Variants in SNX25 observed in about 807,000 individuals in gnomAD.
SNX25 encodes the protein sorting nexin-25.
A neutral mutation model predicts 113.7 loss-of-function variants in SNX25; 62 were observed. The observed-to-expected ratio is 0.55, with a 90% CI of 0.44 to 0.67. The LOEUF (loss-of-function observed/expected upper bound fraction) is 0.67. Among genes scored for constraint, SNX25 ranks in the 30% least tolerant of loss-of-function variants. The probability of loss-of-function intolerance (pLI) is 0.00; values close to 1 mark genes in which losing one functional copy is unlikely to be tolerated. For missense variants in SNX25, 1,014 were observed against 1,161.0 expected (o/e 0.87, Z 1.84); for synonymous variants, 421 against 436.2 (o/e 0.97, Z 0.43).
At chr4:185,310,867 C>CTTTATAAATGTTT (rs773170380) in intron 7 of SNX25, 51 bp downstream of exon 7, 4 of 1,501,352 alleles carry the variant, frequency 2.7e-6, no homozygotes, top group Non-Finnish European at 3.6e-6. Context: ...ATTATAAATG[C>CTTTATAAATGTTT]TGATAGAACT....
intron 5 of SNX25, among the ~76,000 whole-genome samples, chr4:185,284,442 G>T (rs923768507): frequency 7.9e-5 from 12 of 152,184 alleles, no homozygotes; most frequent in African/African-American, 2.9e-4. Flanking sequence ...AGACTTGAGG[G>T]AAGAAGTAAT....
intron 9 of SNX25, among the ~76,000 whole-genome samples, chr4:185,324,790 C>T (rs986144047): frequency 1.3e-5 from 2 of 152,034 alleles, no homozygotes; most frequent in African/African-American, 2.4e-5. Context: ...CTCTGTCAAT[C>T]CAGACCCTTA....
At chr4:185,287,451 G>T (rs1168879069) in intron 5 of SNX25, among the ~76,000 whole-genome samples, 1 of 152,222 alleles carries the variant, frequency 6.6e-6, no homozygotes, top group African/African-American at 2.4e-5. Context: ...CTGCAGGGGA[G>T]AGGGCAGTTC....
rs980006904 is a variant in SNX25, at chr4:185,238,188, G to T, written c.430-9106G>T. Among the ~76,000 whole-genome samples, 3 of 150,950 alleles carry T rather than the reference G, an allele frequency of 2.0e-5. No individual in the cohort carries two copies. In the East Asian group the frequency reaches 5.9e-4, roughly 30 times the overall value. On this transcript the variant is annotated intron_variant, in intron 1 of 18. Transcript: ENST00000652585. ...TTTAGATCCCTGATATTATTTATTT[G>T]ATCCTCCTGAGGCATATTAGCCCAC... is the stretch of plus-strand genomic sequence containing the variant.
chr4:185,231,102 GTTT>G (rs33972141), intron 1 of SNX25, among the ~76,000 whole-genome samples: 20 of 140,514 alleles, frequency 1.4e-4, no homozygotes, highest in Admixed American at 3.5e-4. Flanking sequence ...CCTTTTTTTT[GTTT>G]TTTTTTTTTT....
chr4:185,360,988 T>C (rs1429461625), intron 16 of SNX25, among the ~76,000 whole-genome samples: 1 of 150,824 alleles, frequency 6.6e-6, no homozygotes, highest in Non-Finnish European at 1.5e-5. Flanking sequence ...TGGGGTTGTG[T>C]AGAAGACCTG....
chr4:185,242,075 A>G (rs866511263), intron 1 of SNX25, among the ~76,000 whole-genome samples: 6 of 126,368 alleles, frequency 4.7e-5, no homozygotes, highest in Non-Finnish European at 3.7e-5. Flanking sequence ...ACCTGAAAGA[A>G]ATAAGAGTAT....
At chr4:185,227,921 G>A (rs527887464) in intron 1 of SNX25, among the ~76,000 whole-genome samples, 1 of 152,274 alleles carries the variant, frequency 6.6e-6, no homozygotes, top group East Asian at 1.9e-4. Context: ...GCAGGCAAGG[G>A]AGGAGCAGCC....
intron 16 of SNX25, among the ~76,000 whole-genome samples, chr4:185,360,729 C>T (rs890028872): frequency 3.3e-5 from 5 of 151,786 alleles, no homozygotes; most frequent in African/African-American, 4.8e-5. Flanking sequence ...TGGGCCAATC[C>T]TGACACAGTG....
intron 14 of SNX25, 30 bp downstream of exon 14, chr4:185,351,639 G>A (rs183984299): frequency 2.1e-5 from 33 of 1,607,536 alleles, no homozygotes; most frequent in African/African-American, 9.3e-5. Flanking sequence ...AACCACTTTT[G>A]TAGTGTATTT....
At chr4:185,221,387 C>T (rs1450406559) in intron 1 of SNX25, among the ~76,000 whole-genome samples, 1 of 152,042 alleles carries the variant, frequency 6.6e-6, no homozygotes, top group African/African-American at 2.4e-5. Context: ...GTTGCCCACG[C>T]AGGTCTCAAA....
intron 1 of SNX25, among the ~76,000 whole-genome samples, chr4:185,224,458 GATATATAA>G (rs1443718789): frequency 3.6e-4 from 8 of 22,280 alleles, no homozygotes; most frequent in East Asian, 2.0e-3. Flanking sequence ...TATATATATA[GATATATAA>G]ATATATAAAT....
In SNX25 at chr4:185,332,777, A is replaced by G. The variant is rs377123052; in HGVS notation, c.1914+18A>G. Reference sequence around the variant, plus strand: ...ACAAGAAGGTAACTCTTTGCTTTCAAGGTTGTCTTTGAAAGTTAACATTTG... The same window carrying G: ...ACAAGAAGGTAACTCTTTGCTTTCAGGGTTGTCTTTGAAAGTTAACATTTG... On this transcript the variant is annotated intron_variant, in intron 10 of 18. Coordinates refer to ENST00000652585, the MANE Select transcript of SNX25 (RefSeq NM_001378034.2). 37 of 1,607,918 alleles carry G rather than the reference A, an allele frequency of 2.3e-5. No individual in the cohort carries two copies. The highest frequency in any genetic ancestry group is 3.0e-5 in the Non-Finnish European group (35 of 1,177,200).
chr4:185,314,715 G>A (rs2095057160), intron 7 of SNX25, among the ~76,000 whole-genome samples: 1 of 151,034 alleles, frequency 6.6e-6, no homozygotes, highest in South Asian at 2.1e-4. Flanking sequence ...AAAATTAGCT[G>A]GGAGTGGTGG....
rs146682264 is a variant in SNX25, at chr4:185,354,457, C to G, written c.2584+855C>G. Among the ~76,000 whole-genome samples, 258 of 152,284 alleles carry G rather than the reference C, an allele frequency of 1.7e-3. 1 individual carries two copies. The highest frequency in any genetic ancestry group is 3.1e-3 in the Admixed American group (48 of 15,286). The stretch of plus-strand genomic sequence containing the variant: ...TCTTAACTTGGAGTGAGGGGTGCTA[C>G]TGGCATCTAGCAGGTAGAGTCTGGG... On this transcript the variant is annotated intron_variant, in intron 15 of 18. Coordinates refer to ENST00000652585, the MANE Select transcript of SNX25 (RefSeq NM_001378034.2).
chr4:185,288,925 G>A (rs976273370), intron 6 of SNX25, among the ~76,000 whole-genome samples: 1 of 152,196 alleles, frequency 6.6e-6, no homozygotes, highest in Non-Finnish European at 1.5e-5. Context: ...CCAAGGAGAG[G>A]GAGTAGAGTG....
At chr4:185,270,222 C>G (rs1384214131) in intron 5 of SNX25, among the ~76,000 whole-genome samples, 1 of 152,108 alleles carries the variant, frequency 6.6e-6, no homozygotes, top group Non-Finnish European at 1.5e-5. Context: ...TGTACACTGC[C>G]CCAGGATGAT....
chr4:185,368,919 G>C (rs916669712), downstream of SNX25, among the ~76,000 whole-genome samples: 1 of 150,118 alleles, frequency 6.7e-6, no homozygotes, highest in Non-Finnish European at 1.5e-5. Flanking sequence ...TCAGCCTCCC[G>C]AGTAGCTGGG....
intron 6 of SNX25, among the ~76,000 whole-genome samples, chr4:185,305,891 T>C (rs1233212633): frequency 6.6e-6 from 1 of 152,206 alleles, no homozygotes; most frequent in Admixed American, 6.5e-5. Context: ...GTGATTACTT[T>C]TGCACTAACC....
Sources: gnomAD v4.1 joint callset for allele counts (sites outside exome capture counted in the v4.1 genomes callset) on GRCh38, gnomAD v4.1.1 for gene constraint, MANE v1.5 for transcripts, NCBI Gene and HGNC (gene_info 2026-07-23, HGNC 2026-07-21) for gene names.